The following LSAMP variants were observed in gnomAD, a reference collection of about 807,000 sequenced individuals.
LSAMP encodes limbic system associated membrane protein, also known as limbic system-associated membrane protein.
Under a neutral mutation model 38.6 loss-of-function variants are expected in LSAMP, and 7 were observed. The ratio of observed to expected loss-of-function variants is 0.18; its 90% CI spans 0.10 to 0.34. The LOEUF (loss-of-function observed/expected upper bound fraction) is 0.34, where lower values mean the gene tolerates loss of function less well. Ranked by LOEUF, LSAMP falls within the 10% of genes least tolerant of loss-of-function variation. The pLI is 1.00. For synonymous variants in LSAMP, 154 were observed against 166.8 expected (o/e 0.92, Z 0.59); for missense variants, 313 against 420.0 (o/e 0.75, Z 2.23).
intron 1 of LSAMP, among the ~76,000 whole-genome samples, chr3:116,425,360 A>G (rs569949524): frequency 6.6e-6 from 1 of 152,316 alleles, no homozygotes; most frequent in South Asian, 2.1e-4. Flanking sequence ...CATTCTGTAC[A>G]TACCATTAAA....
chr3:116,443,938 A>C (rs957650277), intron 1 of LSAMP, among the ~76,000 whole-genome samples: 2 of 152,164 alleles, frequency 1.3e-5, no homozygotes, highest in Non-Finnish European at 2.9e-5. Flanking sequence ...TTAGAAATAA[A>C]AATATGACTA....
intron 3 of LSAMP, among the ~76,000 whole-genome samples, chr3:115,989,478 C>G (rs988059848): frequency 6.6e-6 from 1 of 151,990 alleles, no homozygotes. Context: ...ACAATAAAGG[C>G]TTCTTTTTTT....
intron 1 of LSAMP, among the ~76,000 whole-genome samples, chr3:116,102,307 T>C (rs1708365694): frequency 6.6e-6 from 1 of 152,234 alleles, no homozygotes. Context: ...CTTGGATTAT[T>C]ATAAAACACA....
intron 3 of LSAMP, among the ~76,000 whole-genome samples, chr3:115,910,709 T>C (rs2107503953): frequency 6.6e-6 from 1 of 152,298 alleles, no homozygotes; most frequent in Non-Finnish European, 1.5e-5. Context: ...CCTCACGCCC[T>C]CCTCAACACT....
Position 116,362,606 on chromosome 3 carries a change from GGA to G in LSAMP, c.155+82269_155+82270del, listed in dbSNP as rs1441458301. 9.0e-5 allele frequency among the ~76,000 whole-genome samples: 3 copies of G among 33,434 alleles called. No homozygotes were observed. The East Asian group carries it at 2.7e-3, about 30-fold the overall frequency. The allele number at this position is 33,434 out of a possible 152,430, so 21.9% of individuals were successfully genotyped here. On this transcript the variant is annotated intron_variant, in intron 1 of 6. Coordinates refer to ENST00000490035, the MANE Select transcript of LSAMP (RefSeq NM_002338.5). ...CTATTCCAAAATTGACCACATAGTTGGAAGTAAAGCTCTCCTCAGCAAATGTA... is the reference window on the plus strand; with the variant it reads ...CTATTCCAAAATTGACCACATAGTTGAGTAAAGCTCTCCTCAGCAAATGTA...
rs868591855 is a variant in LSAMP, at chr3:116,044,312, C to G, written c.389-24672G>C. Among the ~76,000 whole-genome samples the G allele has an allele frequency of 3.9e-5, 6 of 152,332 alleles. No homozygotes were observed. The South Asian group carries it at 1.2e-3, about 32-fold the overall frequency. On this transcript the variant is annotated intron_variant, in intron 2 of 6. Coordinates refer to ENST00000490035, the MANE Select transcript of LSAMP (RefSeq NM_002338.5). ...ATTTCACCTCGCCTTATTAACTATT[C>G]TAACAACCCTACCTTTCTTTTTTGT...
intron 3 of LSAMP, among the ~76,000 whole-genome samples, chr3:115,986,128 C>T (rs985727714): frequency 6.6e-6 from 1 of 151,972 alleles, no homozygotes; most frequent in Non-Finnish European, 1.5e-5. Flanking sequence ...CAAATGGTAA[C>T]AGGTGGAATT....
intron 1 of LSAMP, among the ~76,000 whole-genome samples, chr3:116,259,794 AC>A (rs1320566271): frequency 6.6e-6 from 1 of 152,160 alleles, no homozygotes; most frequent in Non-Finnish European, 1.5e-5. Flanking sequence ...AAAAAAACAA[AC>A]AAAAAAACAA....
At chr3:116,300,679 T>TAATA (rs2047394918) in intron 1 of LSAMP, among the ~76,000 whole-genome samples, 2 of 152,156 alleles carry the variant, frequency 1.3e-5, no homozygotes, top group Non-Finnish European at 2.9e-5. Flanking sequence ...AGACTCTAAC[T>TAATA]AATACTTGAT....
At chr3:115,820,664 A>G (rs1054121071) in intron 6 of LSAMP, among the ~76,000 whole-genome samples, 3 of 152,080 alleles carry the variant, frequency 2.0e-5, no homozygotes, top group African/African-American at 7.2e-5. Context: ...CTTGTTCACT[A>G]CTCTATCCTC....
intron 2 of LSAMP, among the ~76,000 whole-genome samples, chr3:116,056,651 T>C (rs1365761613): frequency 1.3e-5 from 2 of 152,172 alleles, no homozygotes; most frequent in Non-Finnish European, 2.9e-5. Context: ...GAGAGGCAAC[T>C]TCATGAAATA....
chr3:115,871,226 C>T (rs571747686), intron 3 of LSAMP, among the ~76,000 whole-genome samples: 1 of 152,140 alleles, frequency 6.6e-6, no homozygotes, highest in Admixed American at 6.5e-5. Context: ...GGATTGGCAG[C>T]CTAGAATGGC....
rs182915482 is a variant in LSAMP at position 115,941,141 on chromosome 3, T to G, written c.514+78374A>C. On this transcript the variant is annotated intron_variant, in intron 3 of 6. Coordinates refer to ENST00000490035, the MANE Select transcript of LSAMP (RefSeq NM_002338.5). The stretch of plus-strand genomic sequence containing the variant: ...GCAAAGAACCTCCTGAATAGACATT[T>G]TTTCCAAAGAAAACATACATGTGGT... Among the ~76,000 whole-genome samples, 612 of 152,230 alleles carry G rather than the reference T, an allele frequency of 4.0e-3. 7 individuals are homozygous for G. The highest frequency in any genetic ancestry group is 0.014 in the African/African-American group (569 of 41,526).
At chr3:116,001,917 A>C (rs1940006521) in intron 3 of LSAMP, among the ~76,000 whole-genome samples, 1 of 152,174 alleles carries the variant, frequency 6.6e-6, no homozygotes, top group Admixed American at 6.5e-5. Flanking sequence ...GCATATTCAC[A>C]GGTTTCAGAG....
At chr3:116,172,192 T>TA (rs1413255012) in intron 1 of LSAMP, among the ~76,000 whole-genome samples, 1 of 151,916 alleles carries the variant, frequency 6.6e-6, no homozygotes, top group African/African-American at 2.4e-5. Context: ...GATTAATGAT[T>TA]AAAAAAATGA....
rs79570710 is a variant in LSAMP, at chr3:116,080,943, A to G, written c.388+5381T>C. 7.5e-3 allele frequency among the ~76,000 whole-genome samples: 1,136 copies of G among 152,328 alleles called. 18 individuals are homozygous for G. The highest frequency in any genetic ancestry group is 0.026 in the African/African-American group (1,072 of 41,576). On this transcript the variant is annotated intron_variant, in intron 2 of 6. Transcript: ENST00000490035. ...TGTATAATTGTTGAAAGAATAATCA[A>G]TGCAACATGAGTTTATTAAGAAAGG...
At chr3:115,930,529 G>C (rs1937564932) in intron 3 of LSAMP, among the ~76,000 whole-genome samples, 1 of 152,158 alleles carries the variant, frequency 6.6e-6, no homozygotes, top group Non-Finnish European at 1.5e-5. Flanking sequence ...GGGAAACCCA[G>C]TACACAGTAA....
intron 1 of LSAMP, among the ~76,000 whole-genome samples, chr3:116,401,169 A>G (rs1559855186): frequency 6.6e-6 from 1 of 152,216 alleles, no homozygotes; most frequent in Non-Finnish European, 1.5e-5. Flanking sequence ...TGTGCTGAAT[A>G]TCTCAGAGCT....
intron 1 of LSAMP, among the ~76,000 whole-genome samples, chr3:116,196,653 A>G (rs1162578153): frequency 2.0e-5 from 3 of 152,238 alleles, no homozygotes; most frequent in Non-Finnish European, 4.4e-5. Flanking sequence ...TAGATTAAAA[A>G]AAGTAGCAGA....
Sources: allele counts gnomAD v4.1 joint callset (sites outside exome capture counted in the v4.1 genomes callset), GRCh38; gene constraint gnomAD v4.1.1; transcripts MANE v1.5; gene names NCBI Gene and HGNC (gene_info 2026-07-23, HGNC 2026-07-21).